RDH11: variants seen among roughly 807,000 people sequenced by gnomAD.
RDH11 encodes the protein HCV core-binding protein HCBP12.
RDH11 carries 19 observed loss-of-function variants against 33.4 expected under a neutral mutation model. The observed-to-expected ratio is 0.57, with a 90% CI of 0.40 to 0.83. The LOEUF (loss-of-function observed/expected upper bound fraction) is 0.83, where lower values mean the gene tolerates loss of function less well. Ranked by LOEUF, RDH11 falls within the 40% of genes least tolerant of loss-of-function variation. RDH11 has a pLI of 0.00. For synonymous variants in RDH11, 154 were observed against 155.3 expected, an observed-to-expected ratio of 0.99 and a Z score of 0.06; for missense variants, 353 against 389.0, an observed-to-expected ratio of 0.91 and a Z score of 0.78.
At chr14:67,687,526 C>CA (rs1566827684) in intron 5 of RDH11, among the ~76,000 whole-genome samples, 2 of 140,338 alleles carry the variant, frequency 1.4e-5, no homozygotes. Context: ...GGCTGGGGTG[C>CA]AATGGTATGA....
chr14:67,689,094 C>T (rs1305702200), intron 5 of RDH11, among the ~76,000 whole-genome samples: 6 of 152,194 alleles, frequency 3.9e-5, no homozygotes, highest in Admixed American at 2.0e-4. Flanking sequence ...ACCTCCAGGC[C>T]ACCCTAGCTC....
At chr14:67,695,500 C>T (rs1193391509) in intron 1 of RDH11, 130 bp downstream of exon 1, 3 of 868,556 alleles carry the variant, frequency 3.5e-6, no homozygotes, top group East Asian at 5.6e-5. Context: ...TCCAACCCAC[C>T]GAACTCTGGG....
intron 5 of RDH11, among the ~76,000 whole-genome samples, chr14:67,689,182 G>A (rs1156624509): frequency 6.6e-6 from 1 of 152,152 alleles, no homozygotes; most frequent in Non-Finnish European, 1.5e-5. Context: ...GTCATGCCCT[G>A]GGCACAGACT....
At chr14:67,684,455 A>G (rs1427603747) in intron 6 of RDH11, 2 of 152,250 alleles carry the variant, frequency 1.3e-5, no homozygotes, top group Non-Finnish European at 2.9e-5. Flanking sequence ...GGCTCAGTGC[A>G]CTATTTTATC....
At chr14:67,678,792 T>C in intron 6 of RDH11, among the ~76,000 whole-genome samples, 1 of 151,908 alleles carries the variant, frequency 6.6e-6, no homozygotes, top group East Asian at 1.9e-4. Context: ...CAATGTCATA[T>C]AGCTGAGATC....
rs979760730 is a variant in RDH11 at position 67,694,269 on chromosome 14, C to T, written c.75-1217G>A. Among the ~76,000 whole-genome samples, 8 of 152,170 alleles carry T rather than the reference C, an allele frequency of 5.3e-5. No homozygotes were observed. The South Asian group carries it at 1.7e-3, about 32-fold the overall frequency. The stretch of plus-strand genomic sequence containing the variant: ...CAGAAAACAAGCCTCTAGGCTGTTT[C>T]CCACATCCCCTTACTGTATGTAGCT... On this transcript the variant is annotated intron_variant, in intron 1 of 6. Transcript: ENST00000381346.
intron 3 of RDH11, 42 bp from the exon 4 acceptor site, chr14:67,691,286 G>C (rs1260908870): frequency 7.1e-7 from 1 of 1,407,304 alleles, no homozygotes; most frequent in Admixed American, 1.7e-5. Context: ...GGCTAGCCAA[G>C]GCTATTACAT....
At chr14:67,694,302 T>G (rs1013337182) in intron 1 of RDH11, among the ~76,000 whole-genome samples, 1 of 151,568 alleles carries the variant, frequency 6.6e-6, no homozygotes, top group Non-Finnish European at 1.5e-5. Flanking sequence ...GCTCCAGGAG[T>G]GACAACTTAG....
intron 6 of RDH11, 104 bp downstream of exon 6, chr14:67,684,911 G>T: frequency 1.2e-6 from 1 of 865,046 alleles, no homozygotes; most frequent in Non-Finnish European, 1.7e-6. Flanking sequence ...AAAGACAAAA[G>T]CTATATGAGA....
intron 5 of RDH11, chr14:67,686,404 C>G (rs1009507848): frequency 2.0e-5 from 3 of 151,916 alleles, no homozygotes; most frequent in Non-Finnish European, 4.4e-5. Flanking sequence ...TTTGGGAGGC[C>G]AAGGCAGGTG....
chr14:67,678,306 A>C lies in RDH11; in HGVS notation c.*15T>G. ...TCTGCTGCAGTCTTCTCTTGGGTCC[A>C]ACTGGCACTGCCTGTTAGTCTATTG... On this transcript the variant is annotated 3_prime_UTR_variant, in exon 7 of 7. Coordinates refer to ENST00000381346, the MANE Select transcript of RDH11 (RefSeq NM_016026.4). 1 of 1,548,372 alleles carries C rather than the reference A, an allele frequency of 6.5e-7. No homozygotes were observed. The highest frequency in any genetic ancestry group is 8.9e-7 in the Non-Finnish European group (1 of 1,120,116).
Position 67,678,166 on chromosome 14 carries a change from T to C in RDH11, c.*155A>G. ...ACAGACATTTAGACGAATCTGGCAG[T>C]ACACTGAGTTTTAACTGGACACCAA... is the stretch of plus-strand genomic sequence containing the variant. On this transcript the variant is annotated 3_prime_UTR_variant, in exon 7 of 7. Coordinates refer to ENST00000381346, the MANE Select transcript of RDH11 (RefSeq NM_016026.4). The C allele has an allele frequency of 1.7e-6, 1 of 581,504 alleles. No individual in the cohort carries two copies. The highest frequency in any genetic ancestry group is 2.0e-5 in the South Asian group (1 of 50,308). 36.0% of individuals were successfully genotyped at this position (581,504 alleles called of 1,614,324 possible).
intron 6 of RDH11, among the ~76,000 whole-genome samples, chr14:67,679,195 C>T (rs2037582136): frequency 6.6e-6 from 1 of 152,148 alleles, no homozygotes; most frequent in Non-Finnish European, 1.5e-5. Context: ...TAAGGAACCA[C>T]TCCCAAGATA....
rs367966235 is a variant in RDH11 at position 67,691,248 on chromosome 14, C to A, written c.350-4G>T. 9.5e-5 allele frequency: 153 copies of A among 1,608,794 alleles called. No homozygotes were observed. Among genetic ancestry groups the A allele is most frequent in the Non-Finnish European group, 1.2e-4 (142 of 1,175,764 alleles). On this transcript the variant is annotated splice_region_variant and splice_polypyrimidine_tract_variant and intron_variant, in intron 3 of 6. Transcript: ENST00000381346. Reference sequence around the variant, plus strand: ...AAAACGTGGAGGTGCTTTTCCTCTGCAGGGACAAGACGATGGAGCGTGGAA... The same window carrying A: ...AAAACGTGGAGGTGCTTTTCCTCTGAAGGGACAAGACGATGGAGCGTGGAA...
chr14:67,682,922 A>G (rs1054407717), intron 6 of RDH11, among the ~76,000 whole-genome samples: 5 of 152,268 alleles, frequency 3.3e-5, no homozygotes, highest in Non-Finnish European at 7.3e-5. Flanking sequence ...GTACTGACAC[A>G]TGCTTTAGCA....
intron 5 of RDH11, among the ~76,000 whole-genome samples, chr14:67,685,837 A>C (rs913731029): frequency 3.9e-5 from 6 of 151,972 alleles, no homozygotes; most frequent in African/African-American, 1.4e-4. Flanking sequence ...ACTGGTCTTG[A>C]ACTCCTGACT....
At chr14:67,692,671 AT>A (rs1566830592) in intron 2 of RDH11, 78 bp from the exon 3 acceptor site, 1 of 1,487,572 alleles carries the variant, frequency 6.7e-7, no homozygotes, top group Non-Finnish European at 9.0e-7. Context: ...TATTTCCAAC[AT>A]TTTTTTAAAA....
At chr14:67,681,755 G>A (rs917128844) in intron 6 of RDH11, among the ~76,000 whole-genome samples, 8 of 151,976 alleles carry the variant, frequency 5.3e-5, no homozygotes, top group Non-Finnish European at 8.8e-5. Context: ...GCAAGATTCC[G>A]TCTCAAAAAA....
At chr14:67,685,764 C>T (rs558903886) in intron 5 of RDH11, among the ~76,000 whole-genome samples, 27 of 152,020 alleles carry the variant, frequency 1.8e-4, no homozygotes, top group Admixed American at 1.3e-4. Flanking sequence ...TACAGGGGTG[C>T]GCCACCACAC....
Sources: gnomAD v4.1 joint callset for allele counts (sites outside exome capture counted in the v4.1 genomes callset) on GRCh38, gnomAD v4.1.1 for gene constraint, MANE v1.5 for transcripts, NCBI Gene and HGNC (gene_info 2026-07-23, HGNC 2026-07-21) for gene names.